Variants in ATP1A3 observed in about 807,000 individuals in gnomAD.
ATP1A3 encodes the protein ATPase Na+/K+ transporting subunit alpha 3, also known as sodium/potassium-transporting ATPase subunit alpha-3.
In ATP1A3, 12 loss-of-function variants were observed where a neutral mutation model predicts 108.8. The ratio of observed to expected loss-of-function variants is 0.11; its 90% CI spans 0.07 to 0.18. ATP1A3 has a LOEUF of 0.18. Among genes scored for constraint, ATP1A3 ranks in the 10% least tolerant of loss-of-function variants. The probability of loss-of-function intolerance (pLI) is 1.00; values close to 1 mark genes in which losing one functional copy is unlikely to be tolerated. For missense variants in ATP1A3, 498 were observed against 1,387.7 expected (o/e 0.36, Z 10.19); for synonymous variants, 539 against 564.5 (o/e 0.95, Z 0.64).
At chr19:41,989,814 GCT>G (rs147537602) in intron 1 of ATP1A3, among the ~76,000 whole-genome samples, 12 of 149,548 alleles carry the variant, frequency 8.0e-5, no homozygotes, top group Non-Finnish European at 1.0e-4. Context: ...TCTCTTGATA[GCT>G]CTCTCTCTCT....
In ATP1A3 at chr19:41,981,741, T is replaced by C. The variant is rs782237577; in HGVS notation, c.1283A>G (p.Asp428Gly). 6.2e-7 allele frequency: 1 copy of C among 1,614,188 alleles called. No individual in the cohort carries two copies. Among genetic ancestry groups the C allele is most frequent in the Non-Finnish European group, 8.5e-7 (1 of 1,180,036 alleles). Reference sequence around the variant, plus strand: ...ACCCACCTTGAGCACAGGGATGTTGTCCTGACCACCCTTGAAGACAGCGCG... The same window carrying C: ...ACCCACCTTGAGCACAGGGATGTTGCCCTGACCACCCTTGAAGACAGCGCG... ...CNRAVFKGGQDNIPVLKRDVA... is the reference protein window; with the variant it reads ...CNRAVFKGGQGNIPVLKRDVA... Residue 428 changes from aspartate to glycine, a missense_variant, in exon 10 of 23, where the codon GAC becomes GGC. Physicochemically the swap from Asp to Gly is moderately conservative, Grantham distance 94. Coordinates refer to ENST00000648268, the MANE Select transcript of ATP1A3 (RefSeq NM_152296.5). The surrounding 1 kb of genome is among the most constrained non-coding windows in gnomAD (Gnocchi z 5.0).
intron 1 of ATP1A3, among the ~76,000 whole-genome samples, chr19:41,992,426 C>T (rs1377577582): frequency 7.2e-5 from 11 of 152,128 alleles, no homozygotes; most frequent in African/African-American, 2.2e-4. Flanking sequence ...ATTTTCCATG[C>T]TGTCCGCCTC....
intron 16 of ATP1A3, among the ~76,000 whole-genome samples, chr19:41,973,813 C>T (rs782602195): frequency 2.0e-5 from 3 of 152,236 alleles, no homozygotes; most frequent in African/African-American, 2.4e-5. Flanking sequence ...GAGCAGACGG[C>T]TGTATCTGAG....
chr19:41,975,868 C>G, intron 15 of ATP1A3, 71 bp from the exon 16 acceptor site: 1 of 1,590,842 alleles, frequency 6.3e-7, no homozygotes, highest in African/African-American at 1.3e-5. Context: ...GATCCAGAAG[C>G]CCAGGACCCC....
rs782427535 is a variant in ATP1A3, at chr19:41,985,352, G to A, written c.678C>T (p.Pro226=). The change falls in exon 7 of 23, where the codon CCC becomes CCT. Residue 226 remains proline, a synonymous_variant. Transcript: ENST00000648268. The surrounding 1 kb of genome is among the most constrained non-coding windows in gnomAD (Gnocchi z 8.2). ...TRSPDCTHDN[P]LETRNITFFS... is the part of the protein sequence containing the mutation. Reference sequence around the variant, plus strand: ...AGAAGGTGATGTTCCGAGTCTCCAAGGGGTTGTCGTGAGTGCAGTCGGGAG... The same window carrying A: ...AGAAGGTGATGTTCCGAGTCTCCAAAGGGTTGTCGTGAGTGCAGTCGGGAG... 24 of 1,614,218 alleles carry A rather than the reference G, an allele frequency of 1.5e-5. No individual in the cohort carries two copies. Among genetic ancestry groups the A allele is most frequent in the Non-Finnish European group, 1.9e-5 (23 of 1,180,028 alleles).
intron 18 of ATP1A3, 108 bp downstream of exon 18, chr19:41,970,077 C>T (rs1232648792): frequency 1.6e-5 from 25 of 1,586,280 alleles, no homozygotes; most frequent in East Asian, 2.2e-5. Flanking sequence ...GTCCTGCCCA[C>T]GTCTGCTCCC....
At chr19:41,976,352 C>T in intron 15 of ATP1A3, 64 bp downstream of exon 15, 1 of 1,605,250 alleles carries the variant, frequency 6.2e-7, no homozygotes, top group Non-Finnish European at 8.5e-7. Context: ...GAAACCAGGC[C>T]CCGGCCTCAG....
intron 16 of ATP1A3, among the ~76,000 whole-genome samples, chr19:41,971,111 G>A (rs376726792): frequency 4.0e-5 from 6 of 151,816 alleles, no homozygotes; most frequent in Admixed American, 2.0e-4. Context: ...CTACAGTCAC[G>A]CGCCACCACG....
intron 15 of ATP1A3, 131 bp from the exon 16 acceptor site, chr19:41,975,928 C>A: frequency 7.9e-7 from 1 of 1,262,712 alleles, no homozygotes; most frequent in Non-Finnish European, 1.1e-6. Context: ...ACCTCCTCTT[C>A]CCCTCAGACC....
In ATP1A3 at chr19:41,985,170, C is replaced by G. The variant is rs767234141; in HGVS notation, c.741G>C (p.Val247=). The G allele has an allele frequency of 3.7e-5, 59 of 1,613,238 alleles. No individual in the cohort carries two copies. In the Admixed American group the frequency reaches 9.3e-4, roughly 26 times the overall value. The part of the protein sequence containing the change: ...TNCVEGTARG[V]VVATGDRTVM... ...CAGTGCGGTCGCCCGTGGCCACCAC[C>G]ACGCCCCGAGCCGTGCCTGCAGGCC... The change falls in exon 8 of 23, where the codon GTG becomes GTC. Residue 247 remains valine, a synonymous_variant. Transcript: ENST00000648268. This position sits in a 1 kb window ranked among gnomAD's most constrained non-coding sequence, Gnocchi z 8.2.
chr19:41,972,854 GAAGGAAA>G (rs2145954041), intron 16 of ATP1A3, among the ~76,000 whole-genome samples: 3 of 134,034 alleles, frequency 2.2e-5, no homozygotes, highest in African/African-American at 8.5e-5. Flanking sequence ...AGGAAGGAAG[GAAGGAAA>G]GAAGGAAGGA....
At chr19:41,990,854 ATCTCTGTCTATGTCTCTCTG>A (rs1406937769) in intron 1 of ATP1A3, 1 of 149,502 alleles carries the variant, frequency 6.7e-6, no homozygotes, top group Non-Finnish European at 1.5e-5. Context: ...CTGCCTCTCT[ATCTCTGTCTATGTCTCTCTG>A]TCTCTGTCTC....
rs1273273035 is a variant in ATP1A3, at chr19:41,978,109, C to T, written c.1807-37G>A. On this transcript the variant is annotated intron_variant, in intron 13 of 22. Transcript: ENST00000648268. This position sits in a 1 kb window ranked among gnomAD's most constrained non-coding sequence, Gnocchi z 8.3. Reference sequence around the variant, plus strand: ...GTTTTTTAGGGATGGCCTCTCCCGCCCCACGCCTGGCTTTGCCTCCCCCAG... The same window carrying T: ...GTTTTTTAGGGATGGCCTCTCCCGCTCCACGCCTGGCTTTGCCTCCCCCAG... 1.9e-6 allele frequency: 3 copies of T among 1,614,122 alleles called. No individual in the cohort carries two copies. The African/African-American group carries it at 4.0e-5, about 22-fold the overall frequency.
At position 41,969,417 on chromosome 19, in the gene ATP1A3, GC is replaced by G. The variant is rs782322913; in HGVS notation, c.2688+17del. ...GGATCTTACGGTGGGCAGAGACACAGCACCCTGCCCTACTCACCCACTGCTG... is the reference window on the plus strand; with the variant it reads ...GGATCTTACGGTGGGCAGAGACACAGACCCTGCCCTACTCACCCACTGCTG... On this transcript the variant is annotated intron_variant, in intron 19 of 22. Coordinates refer to ENST00000648268, the MANE Select transcript of ATP1A3 (RefSeq NM_152296.5). 15 of 1,613,982 alleles carry G rather than the reference GC, an allele frequency of 9.3e-6. No individual in the cohort carries two copies. The highest frequency in any genetic ancestry group is 1.2e-5 in the Non-Finnish European group (14 of 1,180,016).
Position 41,978,989 on chromosome 19 carries a change from CTTTTTCTTTTTTTCT to C in ATP1A3, c.1438-206_1438-192del, listed in dbSNP as rs2075202032. On this transcript the variant is annotated intron_variant, in intron 11 of 22. Coordinates refer to ENST00000648268, the MANE Select transcript of ATP1A3 (RefSeq NM_152296.5). This position sits in a 1 kb window ranked among gnomAD's most constrained non-coding sequence, Gnocchi z 8.3. ...ATGTCATGGATATATATTTCTTTTTCTTTTTCTTTTTTTCTTTTTTCTTTTTTTTTTGAGACAGAG... is the reference window on the plus strand; with the variant it reads ...ATGTCATGGATATATATTTCTTTTTCTTTTTCTTTTTTTTTTGAGACAGAG... Among the ~76,000 whole-genome samples the C allele has an allele frequency of 6.6e-6, 1 of 151,750 alleles. No homozygotes were observed. Among genetic ancestry groups the C allele is most frequent in the South Asian group, 2.1e-4 (1 of 4,816 alleles).
Position 41,981,681 on chromosome 19 carries a change from G to A in ATP1A3, c.1302+41C>T. On this transcript the variant is annotated intron_variant, in intron 10 of 22. Transcript: ENST00000648268. This position sits in a 1 kb window ranked among gnomAD's most constrained non-coding sequence, Gnocchi z 5.0. ...TCAGAACAGGGACAGCTGAGGGGAG[G>A]ACACAGGCAGGGCCGAGGTGAGGCC... is the stretch of plus-strand genomic sequence containing the variant. 6.2e-7 allele frequency: 1 copy of A among 1,614,162 alleles called. No homozygotes were observed. The highest frequency in any genetic ancestry group is 1.3e-5 in the African/African-American group (1 of 75,054).
At chr19:41,970,913 T>A (rs1156914105) in intron 16 of ATP1A3, among the ~76,000 whole-genome samples, 1 of 151,798 alleles carries the variant, frequency 6.6e-6, no homozygotes, top group Non-Finnish European at 1.5e-5. Flanking sequence ...ATTACAGGCG[T>A]GAGCCACCGC....
At chr19:41,987,474 C>T (rs141479434) in intron 4 of ATP1A3, among the ~76,000 whole-genome samples, 5 of 152,282 alleles carry the variant, frequency 3.3e-5, no homozygotes, top group Non-Finnish European at 7.4e-5. Flanking sequence ...TGTGTGCACA[C>T]ACGCCTACCC....
rs1555858736 is a variant in ATP1A3, at chr19:41,966,977, A to G, written c.3014-12T>C. 6.4e-7 allele frequency: 1 copy of G among 1,551,540 alleles called. No individual in the cohort carries two copies. Among genetic ancestry groups the G allele is most frequent in the Non-Finnish European group, 8.7e-7 (1 of 1,146,972 alleles). On this transcript the variant is annotated splice_polypyrimidine_tract_variant and intron_variant, in intron 22 of 22. Transcript: ENST00000648268. ...CTTCTCCACCCAACCTGGAGAGACA[A>G]AGAAGGAAAGAAAGAGACAGAGTAA... is the stretch of plus-strand genomic sequence containing the variant.
Sources: gnomAD v4.1 joint callset for allele counts (sites outside exome capture counted in the v4.1 genomes callset) on GRCh38, gnomAD v4.1.1 for gene constraint, Gnocchi (gnomAD v3.1) non-coding constraint, MANE v1.5 for transcripts, NCBI Gene and HGNC (gene_info 2026-07-23, HGNC 2026-07-21) for gene names.